RIOK2: variants seen among roughly 807,000 people sequenced by gnomAD.
The protein encoded by RIOK2 is RIO kinase 2, also known as serine/threonine-protein kinase RIO2.
RIOK2 carries 46 observed loss-of-function variants against 62.4 expected under a neutral mutation model. That is an observed-to-expected ratio of 0.74 (90% CI 0.58 to 0.94). The LOEUF (loss-of-function observed/expected upper bound fraction) is 0.94. Among genes scored for constraint, RIOK2 ranks in the 40% least tolerant of loss-of-function variants. The probability of loss-of-function intolerance (pLI) is 0.00; values close to 1 mark genes in which losing one functional copy is unlikely to be tolerated. For synonymous variants in RIOK2, 197 were observed against 216.0 expected (o/e 0.91, Z 0.77); for missense variants, 574 against 658.0 (o/e 0.87, Z 1.40).
At chr5:97,168,547 C>T (rs1489580342) in intron 7 of RIOK2, among the ~76,000 whole-genome samples, 12 of 152,206 alleles carry the variant, frequency 7.9e-5, no homozygotes, top group East Asian at 1.9e-4. Flanking sequence ...TAGATATGTC[C>T]GCTTCCTAAA....
intron 6 of RIOK2, among the ~76,000 whole-genome samples, chr5:97,169,131 C>A (rs1748926543): frequency 6.6e-6 from 1 of 152,084 alleles, no homozygotes; most frequent in African/African-American, 2.4e-5. Context: ...GTTAGATACA[C>A]TAGGGAAAGA....
rs74736152 is a variant in RIOK2, at chr5:97,169,374, C to A, written c.780-522G>T. Reference sequence around the variant, plus strand: ...TCCATTAGCCGATTTGCAATAACACCCAAAGGGATAAATAATGCTACAGCC... The same window carrying A: ...TCCATTAGCCGATTTGCAATAACACACAAAGGGATAAATAATGCTACAGCC... On this transcript the variant is annotated intron_variant, in intron 6 of 9. Transcript: ENST00000283109. Among the ~76,000 whole-genome samples, 377 of 152,188 alleles carry A rather than the reference C, an allele frequency of 2.5e-3. 1 individual carries two copies. The highest frequency in any genetic ancestry group is 4.2e-3 in the Non-Finnish European group (286 of 67,966).
intron 1 of RIOK2, chr5:97,182,789 G>C (rs796805080): frequency 0.069 from 15,366 of 223,954 alleles, 1,248 homozygotes; most frequent in Middle Eastern, 0.086. Flanking sequence ...GGGGGGGGGG[G>C]GGGGCTTAAA....
Position 97,183,222 on chromosome 5 carries a change from C to T in RIOK2, c.-31G>A, listed in dbSNP as rs748841208. ...CCCCAGTCCGAACCCAGATGCCTCT[C>T]CGACGACAGCCGCAAAGCGTAAGGC... On this transcript the variant is annotated 5_prime_UTR_variant, in exon 1 of 10. Transcript: ENST00000283109. 6.2e-7 allele frequency: 1 copy of T among 1,612,172 alleles called. No individual in the cohort carries two copies. The highest frequency in any genetic ancestry group is 8.5e-7 in the Non-Finnish European group (1 of 1,178,274).
intron 6 of RIOK2, among the ~76,000 whole-genome samples, chr5:97,170,734 A>AT (rs1018079856): frequency 2.2e-4 from 34 of 152,324 alleles, no homozygotes; most frequent in African/African-American, 8.2e-4. Context: ...AAAAAACCAA[A>AT]TTTTTATAAC....
intron 9 of RIOK2, among the ~76,000 whole-genome samples, chr5:97,164,496 G>A (rs1748788251): frequency 6.6e-6 from 1 of 151,260 alleles, no homozygotes; most frequent in South Asian, 2.1e-4. Flanking sequence ...CGGCCTGGAT[G>A]ACAAGAGCAA....
intron 4 of RIOK2, among the ~76,000 whole-genome samples, chr5:97,173,669 A>G (rs1749079858): frequency 6.6e-6 from 1 of 152,220 alleles, no homozygotes; most frequent in South Asian, 2.1e-4. Context: ...AAAATATTTA[A>G]ATTGGAAACA....
At position 97,177,850 on chromosome 5, in the gene RIOK2, T is replaced by C. The variant is rs775883493; in HGVS notation, c.206-2A>G. ...TTGTCAACCGATAGCCCTGGACAGC[T>C]AGACAAAAATCAAAGCATAAAGACC... On this transcript the variant is annotated splice_acceptor_variant, in intron 2 of 9. Coordinates refer to ENST00000283109, the MANE Select transcript of RIOK2 (RefSeq NM_018343.3). LOFTEE classifies it high-confidence loss of function. The C allele has an allele frequency of 3.8e-6, 6 of 1,589,578 alleles. No individual in the cohort carries two copies. The highest frequency in any genetic ancestry group is 2.2e-5 in the East Asian group (1 of 44,646).
rs147011890 is a variant in RIOK2 at position 97,163,077 on chromosome 5, C to G, written c.1643G>C (p.Ser548Thr). ...CTAAATATATTATTCTCCCCAAAAG[C>G]TGGCTGCTTCCAAACTTGATTTGAT... ...QNIKSSLEAASFWGE is the reference protein window; with the variant it reads ...QNIKSSLEAATFWGE Residue 548 changes from serine to threonine, a missense_variant, in exon 10 of 10, where the codon AGC (serine) becomes ACC (threonine). Coordinates refer to ENST00000283109, the MANE Select transcript of RIOK2 (RefSeq NM_018343.3). 2 of 1,612,144 alleles carry G rather than the reference C, an allele frequency of 1.2e-6. No individual in the cohort carries two copies. The highest frequency in any genetic ancestry group is 4.5e-5 in the East Asian group (2 of 44,764).
chr5:97,160,981 A>T lies in RIOK2; in HGVS notation c.*2080T>A. The T allele has an allele frequency of 6.6e-6, 1 of 152,250 alleles. No individual in the cohort carries two copies. Among genetic ancestry groups the T allele is most frequent in the East Asian group, 1.9e-4 (1 of 5,200 alleles). The allele number at this position is 152,250 out of a possible 1,614,324, so 9.4% of individuals were successfully genotyped here. A position where few individuals can be genotyped will look rare whatever the true frequency, so the allele number is the denominator to read the frequency against. On this transcript the variant is annotated 3_prime_UTR_variant, in exon 10 of 10. Transcript: ENST00000283109. ...AACAAAGGATCATAGCTGAAATACC[A>T]GTGACCATCACAATAGGAAAGGTGG...
At chr5:97,180,003 ATTAT>A (rs1265496121) in intron 1 of RIOK2, among the ~76,000 whole-genome samples, 1 of 56,178 alleles carries the variant, frequency 1.8e-5, no homozygotes, top group African/African-American at 6.6e-5. Flanking sequence ...ATATATATAT[ATTAT>A]ATATATATAA....
Position 97,177,738 on chromosome 5 carries a change from C to A in RIOK2, c.316G>T (p.Glu106Ter), listed in dbSNP as rs1285550098. Residue 106 changes from glutamate (E) to a stop codon, truncating the protein, a stop_gained, in exon 3 of 10, where the codon GAA (glutamate) becomes TAA (stop). Transcript: ENST00000283109. LOFTEE classifies it high-confidence loss of function. The stretch of plus-strand genomic sequence containing the variant: ...CAGTACTATTAGCACTTACCTGATT[C>A]TTTGCCAACACCCATCTGGTTTCCA... ...SVGNQMGVGK[E>*]SDIYIVANEE... The A allele has an allele frequency of 1.3e-6, 2 of 1,592,210 alleles. No homozygotes were observed. The highest frequency in any genetic ancestry group is 1.3e-5 in the African/African-American group (1 of 74,760).
intron 4 of RIOK2, 48 bp from the exon 5 acceptor site, chr5:97,173,311 T>C (rs1260040369): frequency 1.7e-6 from 2 of 1,171,656 alleles, no homozygotes; most frequent in South Asian, 2.6e-5. Context: ...GTCATTACTC[T>C]TTAAAGAACA....
intron 4 of RIOK2, among the ~76,000 whole-genome samples, chr5:97,176,700 A>G (rs561385681): frequency 1.1e-3 from 168 of 152,336 alleles, no homozygotes; most frequent in Admixed American, 2.1e-3. Context: ...TGAAACAAAA[A>G]ACTAGCCAAC....
chr5:97,171,287 T>C lies in RIOK2; in HGVS notation c.698A>G (p.Asn233Ser). 6.2e-7 allele frequency: 1 copy of C among 1,608,740 alleles called. No homozygotes were observed. The highest frequency in any genetic ancestry group is 8.5e-7 in the Non-Finnish European group (1 of 1,177,700). Residue 233 changes from asparagine to serine, a missense_variant, in exon 6 of 10, where the codon AAT (asparagine) becomes AGT (serine). Transcript: ENST00000283109. ...ATGGTCACTTTCATCCAAAATGAGA[T>C]TAAATTCATTAAAATCTCCATGAAT... ...GLIHGDFNEF[N>S]LILDESDHIT...
chr5:97,175,867 T>G (rs1749149366), intron 4 of RIOK2: 1 of 152,210 alleles, frequency 6.6e-6, no homozygotes, highest in South Asian at 2.1e-4. Context: ...TATATTTAAT[T>G]TGGATATTAT....
chr5:97,182,810 C>A, intron 1 of RIOK2: 2 of 284,064 alleles, frequency 7.0e-6, no homozygotes, highest in Non-Finnish European at 6.8e-6. Flanking sequence ...CCTTTCACAG[C>A]TGGTCGGAAG....
At chr5:97,176,248 C>G (rs1363524734) in intron 4 of RIOK2, 1 of 152,230 alleles carries the variant, frequency 6.6e-6, no homozygotes, top group Non-Finnish European at 1.5e-5. Flanking sequence ...TCACCCTACT[C>G]TGCTATCAAA....
In RIOK2 at chr5:97,177,251, T is replaced by A. The variant is rs141170867; in HGVS notation, c.363A>T (p.Ala121=). The A allele has an allele frequency of 3.7e-6, 6 of 1,612,950 alleles. No individual in the cohort carries two copies. The highest frequency in any genetic ancestry group is 5.1e-6 in the Non-Finnish European group (6 of 1,179,740). The part of the protein sequence containing the change: ...IVANEEGQQF[A]LKLHRLGRTS... ...TTCTTCCTAGTCTGTGAAGCTTTAA[T>A]GCAAATTGTTGTCCTTCTTCATTTG... The change falls in exon 4 of 10, where the codon GCA becomes GCT. Residue 121 remains alanine (A), a synonymous_variant. Transcript: ENST00000283109.
Sources: allele counts gnomAD v4.1 joint callset (sites outside exome capture counted in the v4.1 genomes callset), GRCh38; gene constraint gnomAD v4.1.1; transcripts MANE v1.5; gene names NCBI Gene and HGNC (gene_info 2026-07-23, HGNC 2026-07-21).